TBCD: variants seen among roughly 807,000 people sequenced by gnomAD.
TBCD encodes the protein tubulin folding cofactor D.
A neutral mutation model predicts 169.3 loss-of-function variants in TBCD; 105 were observed. The observed-to-expected ratio is 0.62, with a 90% CI of 0.53 to 0.73. The LOEUF (loss-of-function observed/expected upper bound fraction) is 0.73. TBCD is among the 30% of genes least tolerant of loss of function. The probability of loss-of-function intolerance (pLI) is 0.00; values close to 1 mark genes in which losing one functional copy is unlikely to be tolerated. For missense variants in TBCD, 1,444 were observed against 1,600.1 expected (o/e 0.90, Z 1.66); for synonymous variants, 700 against 643.9 (o/e 1.09, Z -1.32).
chr17:82,939,581 G>A (rs2062942322), intron 37 of TBCD, 105 bp downstream of exon 37: 1 of 907,358 alleles, frequency 1.1e-6, no homozygotes, highest in Non-Finnish European at 1.7e-6. Flanking sequence ...ATAGGAGGAG[G>A]AAAGAGGGTT....
chr17:82,783,994 G>A (rs1019392520), intron 7 of TBCD, among the ~76,000 whole-genome samples: 2 of 151,916 alleles, frequency 1.3e-5, no homozygotes, highest in African/African-American at 2.4e-5. Context: ...GCATAGTGGC[G>A]TGGGCCTGTA....
At chr17:82,764,447 T>C (rs928993553) in intron 3 of TBCD, among the ~76,000 whole-genome samples, 2 of 152,112 alleles carry the variant, frequency 1.3e-5, no homozygotes, top group Admixed American at 1.3e-4. Context: ...GAGTTCGAGA[T>C]GAGCCTGGCC....
Position 82,782,270 on chromosome 17 carries a change from A to G in TBCD, c.771+549A>G, listed in dbSNP as rs535890267. Among the ~76,000 whole-genome samples the G allele has an allele frequency of 6.6e-6, 1 of 152,160 alleles. No individual in the cohort carries two copies. The highest frequency in any genetic ancestry group is 1.5e-5 in the Non-Finnish European group (1 of 68,030). On this transcript the variant is annotated intron_variant, in intron 7 of 38. Coordinates refer to ENST00000355528, the MANE Select transcript of TBCD (RefSeq NM_005993.5). This position sits in a 1 kb window ranked among gnomAD's most constrained non-coding sequence, Gnocchi z 5.1. ...CCTTTTCTTGTGCTAACGAGGAGGA[A>G]AGGTCAAGTCTCAGAAGAGGGCAAA...
At chr17:82,887,176 C>CGT (rs1217926505) in intron 15 of TBCD, among the ~76,000 whole-genome samples, 5 of 67,570 alleles carry the variant, frequency 7.4e-5, no homozygotes, top group Non-Finnish European at 1.5e-4. Context: ...TGTGCGCGCG[C>CGT]GCGCACGTGC....
At chr17:82,812,890 G>A (rs2051559452) in intron 12 of TBCD, among the ~76,000 whole-genome samples, 1 of 152,146 alleles carries the variant, frequency 6.6e-6, no homozygotes, top group Non-Finnish European at 1.5e-5. Flanking sequence ...CACCATGATA[G>A]CTCACTGCGG....
intron 5 of TBCD, among the ~76,000 whole-genome samples, chr17:82,770,139 T>C (rs1246287014): frequency 6.6e-6 from 1 of 152,214 alleles, no homozygotes; most frequent in Non-Finnish European, 1.5e-5. Flanking sequence ...CATGACCTGC[T>C]GTTCTGAGTC....
chr17:82,787,635 G>C (rs941736159), intron 7 of TBCD, among the ~76,000 whole-genome samples: 1 of 152,192 alleles, frequency 6.6e-6, no homozygotes, highest in African/African-American at 2.4e-5. Context: ...TTCTGCTTAG[G>C]GTTTCATCTG....
intron 23 of TBCD, chr17:82,913,133 T>C (rs1213931507): frequency 6.6e-6 from 1 of 152,406 alleles, no homozygotes; most frequent in African/African-American, 2.4e-5. Flanking sequence ...CCACATGTCA[T>C]GGACAGCTGG....
chr17:82,789,000 GT>G lies in TBCD; in HGVS notation c.771+7282del, dbSNP rs371404671. Among the ~76,000 whole-genome samples the G allele has an allele frequency of 3.7e-4, 56 of 152,322 alleles. 1 individual carries two copies. The highest frequency in any genetic ancestry group is 1.2e-3 in the African/African-American group (51 of 41,570). On this transcript the variant is annotated intron_variant, in intron 7 of 38. Coordinates refer to ENST00000355528, the MANE Select transcript of TBCD (RefSeq NM_005993.5). The stretch of plus-strand genomic sequence containing the variant: ...CAGATTTGGGGAACAGCACCCTACT[GT>G]TTCATTTAGGGTTCAGTGTGGCCAG...
In TBCD at chr17:82,831,283, C is replaced by T. The variant is rs138389620; in HGVS notation, c.1318+16349C>T. ...TTTGGACCCTTCCGTGTCTCTCTGCCCAGCCTTGGAGGAGTCTTTAGCCTC... is the reference window on the plus strand; with the variant it reads ...TTTGGACCCTTCCGTGTCTCTCTGCTCAGCCTTGGAGGAGTCTTTAGCCTC... On this transcript the variant is annotated intron_variant, in intron 13 of 38. Transcript: ENST00000355528. The surrounding 1 kb of genome is among the most constrained non-coding windows in gnomAD (Gnocchi z 4.6). 2.2e-5 allele frequency: 36 copies of T among 1,613,864 alleles called. No individual in the cohort carries two copies. The African/African-American group carries it at 4.3e-4, about 19-fold the overall frequency.
At chr17:82,766,160 G>T (rs1475119849) in intron 3 of TBCD, 107 bp from the exon 4 acceptor site, 16 of 840,034 alleles carry the variant, frequency 1.9e-5, no homozygotes, top group Non-Finnish European at 3.1e-5. Flanking sequence ...AATTCTCTTT[G>T]ATCAGTGGGT....
intron 34 of TBCD, among the ~76,000 whole-genome samples, chr17:82,935,648 T>C (rs1304590726): frequency 6.6e-6 from 1 of 152,260 alleles, no homozygotes; most frequent in East Asian, 1.9e-4. Flanking sequence ...ATTTTGTCCT[T>C]ATTGGACAAT....
In TBCD at chr17:82,764,076, A is replaced by G. The variant is rs772840164; in HGVS notation, c.333+14A>G. On this transcript the variant is annotated intron_variant, in intron 3 of 38. Coordinates refer to ENST00000355528, the MANE Select transcript of TBCD (RefSeq NM_005993.5). The stretch of plus-strand genomic sequence containing the variant: ...ATCATCACCAAGGTAACATTTCCAT[A>G]GCACTTCAGAGTTGACAGATACTTT... The G allele has an allele frequency of 6.3e-7, 1 of 1,588,638 alleles. No individual in the cohort carries two copies. Among genetic ancestry groups the G allele is most frequent in the Non-Finnish European group, 8.6e-7 (1 of 1,157,826 alleles).
At chr17:82,866,365 C>T (rs1037109059) in intron 13 of TBCD, among the ~76,000 whole-genome samples, 5 of 152,220 alleles carry the variant, frequency 3.3e-5, no homozygotes, top group African/African-American at 4.8e-5. Flanking sequence ...TTTTTCTGTT[C>T]TTGTTAAGGA....
Position 82,837,684 on chromosome 17 carries a change from G to A in TBCD, c.1318+22750G>A, listed in dbSNP as rs572458069. 8.8e-4 allele frequency among the ~76,000 whole-genome samples: 134 copies of A among 152,280 alleles called. 1 individual carries two copies. The highest frequency in any genetic ancestry group is 3.4e-3 in the Middle Eastern group (1 of 294). ...TCCTCCTCTCATTTCCCACTGGATC[G>A]GCAGGAAGCGTTAGCAGGGTGGACA... is the stretch of plus-strand genomic sequence containing the variant. On this transcript the variant is annotated intron_variant, in intron 13 of 38. Coordinates refer to ENST00000355528, the MANE Select transcript of TBCD (RefSeq NM_005993.5).
At chr17:82,815,183 A>G (rs929328239) in intron 13 of TBCD, among the ~76,000 whole-genome samples, 1 of 152,172 alleles carries the variant, frequency 6.6e-6, no homozygotes, top group Non-Finnish European at 1.5e-5. Flanking sequence ...TGGCCTTTGT[A>G]ATTTCCTAAT....
chr17:82,820,190 C>T (rs985456922), intron 13 of TBCD, among the ~76,000 whole-genome samples: 4 of 152,124 alleles, frequency 2.6e-5, no homozygotes, highest in Non-Finnish European at 5.9e-5. Context: ...GTTGGCCAGG[C>T]TGGTCTCGAA....
chr17:82,824,351 C>T (rs7224189), intron 13 of TBCD, among the ~76,000 whole-genome samples: 24,499 of 151,406 alleles, frequency 0.16, 2,136 homozygotes, highest in Admixed American at 0.22. Flanking sequence ...CCGGCTAATT[C>T]GTTTTGTATT....
At position 82,817,345 on chromosome 17, in the gene TBCD, G is replaced by A. The variant is rs1039008200; in HGVS notation, c.1318+2411G>A. On this transcript the variant is annotated intron_variant, in intron 13 of 38. Coordinates refer to ENST00000355528, the MANE Select transcript of TBCD (RefSeq NM_005993.5). ...GGATCTCATTCCCATCGCCCAGGCC[G>A]GAGTGCAGTGGCGTGATCTCAGCTC... 9.2e-5 allele frequency among the ~76,000 whole-genome samples: 14 copies of A among 151,928 alleles called. 1 individual carries two copies. Among genetic ancestry groups the A allele is most frequent in the Non-Finnish European group, 1.5e-4 (10 of 67,990 alleles).
Sources: gnomAD v4.1 joint callset for allele counts (sites outside exome capture counted in the v4.1 genomes callset) on GRCh38, gnomAD v4.1.1 for gene constraint, Gnocchi (gnomAD v3.1) non-coding constraint, MANE v1.5 for transcripts, NCBI Gene and HGNC (gene_info 2026-07-23, HGNC 2026-07-21) for gene names.